TRPM3: variants seen among roughly 807,000 people sequenced by gnomAD.
The protein encoded by TRPM3 is long transient receptor potential channel 3.
TRPM3 carries 77 observed loss-of-function variants against 181.2 expected under a neutral mutation model. The observed-to-expected ratio is 0.42, with a 90% CI of 0.35 to 0.51. The LOEUF is 0.51. TRPM3 is among the 20% of genes least tolerant of loss of function. The probability of loss-of-function intolerance (pLI) is 0.01; values close to 1 mark genes in which losing one functional copy is unlikely to be tolerated. For synonymous variants in TRPM3, 745 were observed against 796.4 expected, an observed-to-expected ratio of 0.94 and a Z score of 1.09; for missense variants, 1,759 against 2,196.7, an observed-to-expected ratio of 0.80 and a Z score of 3.98.
chr9:71,200,183 T>C (rs1002439142), intron 1 of TRPM3, among the ~76,000 whole-genome samples: 8 of 152,106 alleles, frequency 5.3e-5, no homozygotes, highest in African/African-American at 1.9e-4. Flanking sequence ...TTGAGTGGTT[T>C]TGAGTGAGTT....
intron 1 of TRPM3, among the ~76,000 whole-genome samples, chr9:70,909,171 T>A (rs927933237): frequency 6.6e-6 from 1 of 152,210 alleles, no homozygotes; most frequent in South Asian, 2.1e-4. Context: ...GCAAGTCACA[T>A]AGCTGATTGC....
At chr9:70,989,681 A>C (rs1303425093) in intron 1 of TRPM3, among the ~76,000 whole-genome samples, 1 of 152,178 alleles carries the variant, frequency 6.6e-6, no homozygotes, top group East Asian at 1.9e-4. Flanking sequence ...TATGTTGTTC[A>C]AGGTAAATCC....
At chr9:70,677,946 A>G (rs915622755) in intron 9 of TRPM3, among the ~76,000 whole-genome samples, 24 of 149,874 alleles carry the variant, frequency 1.6e-4, no homozygotes, top group Non-Finnish European at 4.4e-5. Context: ...TTTTAGTATA[A>G]GTGTGTCTCA....
rs542490650 is a variant in TRPM3 at position 71,212,077 on chromosome 9, T to G, written c.183+234576A>C. Among the ~76,000 whole-genome samples, 163 of 152,310 alleles carry G rather than the reference T, an allele frequency of 1.1e-3. 1 individual carries two copies. The highest frequency in any genetic ancestry group is 3.4e-3 in the Middle Eastern group (1 of 294). ...GGAGCTCATCCTCTGCCTCCATGCTTCAGCCTGAACAGAGCTGATTTCATG... is the reference window on the plus strand; with the variant it reads ...GGAGCTCATCCTCTGCCTCCATGCTGCAGCCTGAACAGAGCTGATTTCATG... On this transcript the variant is annotated intron_variant, in intron 1 of 24. Coordinates refer to the TRPM3 transcript ENST00000357533.
chr9:71,156,943 T>A (rs1023434319), intron 1 of TRPM3, among the ~76,000 whole-genome samples: 4 of 151,980 alleles, frequency 2.6e-5, no homozygotes, highest in African/African-American at 9.7e-5. Flanking sequence ...GTCATAACCC[T>A]TGTCACAATG....
intron 1 of TRPM3, among the ~76,000 whole-genome samples, chr9:70,927,339 G>A (rs1416393742): frequency 2.0e-5 from 3 of 152,200 alleles, no homozygotes; most frequent in Admixed American, 2.0e-4. Context: ...ATAAGACACA[G>A]TTGAATGTTA....
intron 1 of TRPM3, among the ~76,000 whole-genome samples, chr9:71,120,916 C>A (rs1308016240): frequency 6.6e-6 from 1 of 151,348 alleles, no homozygotes; most frequent in Non-Finnish European, 1.5e-5. Flanking sequence ...GGGGGAGCAC[C>A]AGGTAGCCCA....
intron 1 of TRPM3, among the ~76,000 whole-genome samples, chr9:71,354,618 T>C (rs2091817954): frequency 6.6e-6 from 1 of 152,246 alleles, no homozygotes; most frequent in South Asian, 2.1e-4. Flanking sequence ...ATCATCAACT[T>C]ACACAGAATC....
chr9:71,350,818 C>T (rs1403945596), intron 1 of TRPM3, among the ~76,000 whole-genome samples: 2 of 152,136 alleles, frequency 1.3e-5, no homozygotes, highest in Non-Finnish European at 2.9e-5. Context: ...TTTAGTCATA[C>T]AGCAGAAAGA....
intron 1 of TRPM3, among the ~76,000 whole-genome samples, chr9:71,296,992 T>TC (rs1554867162): frequency 2.1e-5 from 3 of 143,108 alleles, no homozygotes; most frequent in Non-Finnish European, 3.0e-5. Context: ...TCTTTTCTTT[T>TC]TTTTTTTTTT....
chr9:70,582,768 CT>C (rs2056224600), intron 22 of TRPM3, among the ~76,000 whole-genome samples: 1 of 152,200 alleles, frequency 6.6e-6, no homozygotes. Context: ...GTAGATTCTA[CT>C]GTACAGGGCT....
chr9:71,125,320 C>G (rs937080455), upstream of TRPM3, among the ~76,000 whole-genome samples: 1 of 152,070 alleles, frequency 6.6e-6, no homozygotes, highest in Non-Finnish European at 1.5e-5. Context: ...GGTATTAAGC[C>G]CCACATGCAT....
intron 1 of TRPM3, among the ~76,000 whole-genome samples, chr9:71,437,082 A>G (rs1430149455): frequency 6.6e-6 from 1 of 152,228 alleles, no homozygotes; most frequent in Non-Finnish European, 1.5e-5. Context: ...CAGTACACTA[A>G]CAAATTAATG....
rs1392859607 is a variant in TRPM3 at position 70,629,220 on chromosome 9, G to GCGGGGAGGC, written c.1633-3704_1633-3703insGCCTCCCCG. On this transcript the variant is annotated intron_variant, in intron 12 of 25. Transcript: ENST00000677713. Reference sequence around the variant, plus strand: ...AATGATTCTGTGACCAGTGCCGGGGGGGGGGGGGGCCTGCGTTCTGTTTGA... The same window carrying GCGGGGAGGC: ...AATGATTCTGTGACCAGTGCCGGGGGCGGGGAGGCGGGGGGGGGCCTGCGTTCTGTTTGA... 1.2e-4 allele frequency among the ~76,000 whole-genome samples: 9 copies of GCGGGGAGGC among 75,172 alleles called. 3 individuals carry two copies. Among genetic ancestry groups the GCGGGGAGGC allele is most frequent in the Non-Finnish European group, 2.4e-4 (8 of 33,748 alleles). 49.3% of individuals were successfully genotyped at this position (75,172 alleles called of 152,430 possible).
chr9:71,301,336 A>G (rs912170784), intron 1 of TRPM3, among the ~76,000 whole-genome samples: 52 of 152,124 alleles, frequency 3.4e-4, no homozygotes, highest in African/African-American at 1.2e-3. Context: ...AGTTTGTCCT[A>G]GTTCTAAAAT....
rs117338512 is a variant in TRPM3, at chr9:71,207,145, A to G, written c.183+239508T>C. 8.2e-4 allele frequency among the ~76,000 whole-genome samples: 125 copies of G among 152,280 alleles called. No individual in the cohort carries two copies. The East Asian group carries it at 0.018, about 21-fold the overall frequency. On this transcript the variant is annotated intron_variant, in intron 1 of 24. Transcript: ENST00000357533. ...TGAAAATGCTTTTCCTTAAAATTTT[A>G]TAAATCAAACAGCCAGTTTCTATAA...
At chr9:71,376,280 T>C (rs188588750) in intron 1 of TRPM3, among the ~76,000 whole-genome samples, 2 of 152,042 alleles carry the variant, frequency 1.3e-5, no homozygotes, top group Non-Finnish European at 2.9e-5. Flanking sequence ...TTAAAGACTA[T>C]CAGACAAGAT....
At chr9:70,886,333 A>G (rs1020787102) in intron 1 of TRPM3, among the ~76,000 whole-genome samples, 5 of 152,192 alleles carry the variant, frequency 3.3e-5, no homozygotes, top group African/African-American at 4.8e-5. Context: ...AACTGTTACA[A>G]TGGGAACTCC....
intron 1 of TRPM3, among the ~76,000 whole-genome samples, chr9:71,109,840 G>A (rs1398329710): frequency 6.6e-6 from 1 of 152,062 alleles, no homozygotes; most frequent in East Asian, 1.9e-4. Flanking sequence ...CCTATAAAGA[G>A]GAGTAACTGA....
Sources: allele counts gnomAD v4.1 joint callset (sites outside exome capture counted in the v4.1 genomes callset), GRCh38; gene constraint gnomAD v4.1.1; transcripts MANE v1.5; gene names NCBI Gene and HGNC (gene_info 2026-07-23, HGNC 2026-07-21).